Variants in MTUS2 observed in about 807,000 individuals in gnomAD.
MTUS2 encodes the protein microtubule-associated tumor suppressor candidate 2.
Under a neutral mutation model 114.1 loss-of-function variants are expected in MTUS2, and 40 were observed. That is an observed-to-expected ratio of 0.35 (90% CI 0.27 to 0.46). MTUS2 has a LOEUF of 0.46. MTUS2 is among the 20% of genes least tolerant of loss of function. MTUS2 has a pLI of 1.00. For missense variants in MTUS2, 1,679 were observed against 1,705.4 expected (o/e 0.98, Z 0.27); for synonymous variants, 688 against 672.0 (o/e 1.02, Z -0.37).
At chr13:29,325,473 AAAG>A (rs374764824) in intron 7 of MTUS2, among the ~76,000 whole-genome samples, 23,045 of 138,548 alleles carry the variant, frequency 0.17, 2,281 homozygotes, top group Non-Finnish European at 0.2. Context: ...AAAAAAAAGA[AAAG>A]AAGAAGAGGA....
intron 5 of MTUS2, among the ~76,000 whole-genome samples, chr13:29,169,632 G>T (rs951677505): frequency 2.0e-5 from 3 of 152,162 alleles, no homozygotes; most frequent in African/African-American, 7.2e-5. Flanking sequence ...TAAATAGAAT[G>T]CCATACTTCA....
rs1360443088 is a variant in MTUS2, at chr13:29,126,147, G to T, written c.2644+25177G>T. On this transcript the variant is annotated intron_variant, in intron 5 of 15. Transcript: ENST00000612955. ...CCATATACCAAAAATGAGGTTGGTG[G>T]GCTGTCCTCATACCTGCACTTCCTC... Among the ~76,000 whole-genome samples, 3 of 152,042 alleles carry T rather than the reference G, an allele frequency of 2.0e-5. No individual in the cohort carries two copies. The South Asian group carries it at 6.2e-4, about 32-fold the overall frequency.
intron 5 of MTUS2, among the ~76,000 whole-genome samples, chr13:29,253,123 C>G (rs981797265): frequency 3.4e-5 from 5 of 147,524 alleles, no homozygotes; most frequent in African/African-American, 1.0e-4. Flanking sequence ...GTTATTTTCT[C>G]TCTCTAAAAA....
At chr13:28,951,721 C>T (rs1882817831) in intron 2 of MTUS2, among the ~76,000 whole-genome samples, 1 of 152,068 alleles carries the variant, frequency 6.6e-6, no homozygotes, top group Non-Finnish European at 1.5e-5. Flanking sequence ...ATTGCCAGAA[C>T]CCAGGAGGTG....
chr13:29,494,924 G>A (rs1162967379), intron 12 of MTUS2, among the ~76,000 whole-genome samples: 5 of 151,936 alleles, frequency 3.3e-5, no homozygotes, highest in Non-Finnish European at 5.9e-5. Context: ...ATTGGCTCAC[G>A]TTTGTATTCC....
At chr13:29,425,759 G>A (rs1365985490) in intron 8 of MTUS2, among the ~76,000 whole-genome samples, 2 of 152,176 alleles carry the variant, frequency 1.3e-5, no homozygotes, top group African/African-American at 4.8e-5. Context: ...CATAGTACAT[G>A]TGCGATTTCA....
intron 1 of MTUS2, among the ~76,000 whole-genome samples, chr13:28,839,043 T>A (rs1273606729): frequency 6.6e-6 from 1 of 152,014 alleles, no homozygotes; most frequent in Non-Finnish European, 1.5e-5. Flanking sequence ...TTGCGATATG[T>A]GTAGGTAAAA....
At chr13:29,487,878 A>G (rs1370709038) in intron 10 of MTUS2, 22 bp from the exon 11 acceptor site, 58 of 1,578,102 alleles carry the variant, frequency 3.7e-5, no homozygotes, top group Non-Finnish European at 4.9e-5. Flanking sequence ...CTGTCTAACC[A>G]GTAACTGCGA....
chr13:29,457,744 C>T (rs1397965622), intron 9 of MTUS2, among the ~76,000 whole-genome samples: 1 of 152,052 alleles, frequency 6.6e-6, no homozygotes, highest in Non-Finnish European at 1.5e-5. Context: ...ATGGTTGTAC[C>T]ATTTTGCACC....
chr13:28,852,909 A>ATACATACATACATACG (rs1876379410), intron 2 of MTUS2, among the ~76,000 whole-genome samples: 1 of 148,734 alleles, frequency 6.7e-6, no homozygotes, highest in Non-Finnish European at 1.5e-5. Flanking sequence ...AAATACATAC[A>ATACATACATACATACG]TACATACATA....
At chr13:29,472,289 T>A (rs1219455766) in intron 9 of MTUS2, among the ~76,000 whole-genome samples, 1 of 152,204 alleles carries the variant, frequency 6.6e-6, no homozygotes, top group Non-Finnish European at 1.5e-5. Context: ...CCCAAAGTGC[T>A]GGGATTACAG....
intron 6 of MTUS2, among the ~76,000 whole-genome samples, chr13:29,291,574 G>A (rs1898716619): frequency 6.6e-6 from 1 of 152,182 alleles, no homozygotes; most frequent in African/African-American, 2.4e-5. Flanking sequence ...TGGTGGCTCT[G>A]CCTTTTCCAG....
intron 8 of MTUS2, among the ~76,000 whole-genome samples, chr13:29,422,707 G>A (rs1216731144): frequency 1.5e-5 from 2 of 136,288 alleles, no homozygotes; most frequent in Non-Finnish European, 3.0e-5. Context: ...TCTGTTGCCT[G>A]GGCTGAAGTG....
chr13:29,503,156 T>C lies in MTUS2; in HGVS notation c.4060T>C (p.Ser1354Pro), dbSNP rs1883017701. 6.2e-7 allele frequency: 1 copy of C among 1,614,116 alleles called. No homozygotes were observed. The highest frequency in any genetic ancestry group is 8.5e-7 in the Non-Finnish European group (1 of 1,180,030). Residue 1354 changes from serine (S) to proline (P), a missense_variant, in exon 16 of 16, where the codon TCC becomes CCC. By Grantham distance (74) the Ser-to-Pro change is moderately conservative. This residue lies in a region of MTUS2 where 822 missense variants were observed against 899.7 expected (regional missense o/e 0.91). Coordinates refer to ENST00000612955, the MANE Select transcript of MTUS2 (RefSeq NM_001033602.4). ...GCCCACATCTCCCGTTTACCGCGGC[T>C]CCTCCTCGGGGCCCTCCTCTCCGGC... is the stretch of plus-strand genomic sequence containing the variant. ...LSPTSPVYRG[S>P]SSGPSSPARV...
intron 5 of MTUS2, among the ~76,000 whole-genome samples, chr13:29,272,016 C>A (rs1361657726): frequency 6.6e-6 from 1 of 152,074 alleles, no homozygotes; most frequent in Admixed American, 6.5e-5. Context: ...CTAACGTTTT[C>A]TCTGTGGTAT....
At chr13:29,219,167 C>T (rs1343080458) in intron 5 of MTUS2, among the ~76,000 whole-genome samples, 1 of 141,418 alleles carries the variant, frequency 7.1e-6, no homozygotes, top group African/African-American at 2.7e-5. Context: ...ATTCCCCTTC[C>T]TGTGTCCATG....
chr13:29,419,576 G>T (rs946341762), intron 8 of MTUS2, among the ~76,000 whole-genome samples: 11 of 152,176 alleles, frequency 7.2e-5, no homozygotes, highest in Non-Finnish European at 1.3e-4. Flanking sequence ...CTCCATCCCA[G>T]TTCACGGGCT....
At chr13:29,211,811 G>A (rs144584604) in intron 5 of MTUS2, among the ~76,000 whole-genome samples, 2,655 of 151,260 alleles carry the variant, frequency 0.018, 13 homozygotes, top group Non-Finnish European at 0.026. Flanking sequence ...CATGGAGCCC[G>A]CAGCAACAAG....
chr13:29,420,058 G>T (rs1413312734), intron 8 of MTUS2, among the ~76,000 whole-genome samples: 1 of 152,040 alleles, frequency 6.6e-6, no homozygotes, highest in Non-Finnish European at 1.5e-5. Context: ...AATCAAATTA[G>T]AAAACCATTC....
Sources: allele counts gnomAD v4.1 joint callset (sites outside exome capture counted in the v4.1 genomes callset), GRCh38; gene constraint gnomAD v4.1.1; regional missense constraint gnomAD v4.1.1; transcripts MANE v1.5; gene names NCBI Gene and HGNC (gene_info 2026-07-23, HGNC 2026-07-21).